Variants in DYNLRB1 observed in about 807,000 individuals in gnomAD.
DYNLRB1 encodes dynein light chain roadblock-type 1.
Under a neutral mutation model 13.5 loss-of-function variants are expected in DYNLRB1, and 6 were observed. The observed-to-expected ratio is 0.44, with a 90% confidence interval of 0.24 to 0.88. The LOEUF is 0.88. Ranked by LOEUF, DYNLRB1 falls within the 40% of genes least tolerant of loss-of-function variation. DYNLRB1 has a pLI of 0.21. For missense variants in DYNLRB1, 93 were observed against 127.2 expected (o/e 0.73, Z 1.29); for synonymous variants, 43 against 45.0 (o/e 0.96, Z 0.18).
At chr20:34,528,345 C>A (rs1363843633) in intron 2 of DYNLRB1, among the ~76,000 whole-genome samples, 49 of 91,960 alleles carry the variant, frequency 5.3e-4, no homozygotes, top group African/African-American at 1.1e-3. Flanking sequence ...AAAAAAAAAA[C>A]TACCCTACTG....
chr20:34,516,252 T>C (rs1050404171), upstream of DYNLRB1, among the ~76,000 whole-genome samples: 1 of 152,278 alleles, frequency 6.6e-6, no homozygotes, highest in Non-Finnish European at 1.5e-5. Flanking sequence ...CTTAGCGCAC[T>C]GCTCCTTAGC....
chr20:34,537,893 T>A (rs1981277288), intron 3 of DYNLRB1, among the ~76,000 whole-genome samples: 1 of 151,882 alleles, frequency 6.6e-6, no homozygotes, highest in South Asian at 2.1e-4. Context: ...CTTCCCAGGC[T>A]GCAGACAGCA....
intron 2 of DYNLRB1, among the ~76,000 whole-genome samples, chr20:34,528,198 G>C (rs1335469179): frequency 1.1e-5 from 1 of 89,350 alleles, no homozygotes; most frequent in Non-Finnish European, 2.4e-5. Context: ...TGTAGTCCCA[G>C]CTACTTGGGA....
chr20:34,534,792 C>T lies in DYNLRB1; in HGVS notation c.244C>T (p.Pro82Ser), dbSNP rs771254439. The T allele has an allele frequency of 6.2e-7, 1 of 1,614,022 alleles. No homozygotes were observed. The highest frequency in any genetic ancestry group is 1.1e-5 in the South Asian group (1 of 91,076). The change falls in exon 3 of 4, where the codon CCA becomes TCA. Residue 82 changes from proline (P) to serine (S), a missense_variant. By Grantham distance (74) the Pro-to-Ser change is moderately conservative (BLOSUM62 -1). Coordinates refer to ENST00000357156, the MANE Select transcript of DYNLRB1 (RefSeq NM_014183.4). ...RSKKNEIMVA[P>S]DKDYFLIVIQ... ...CAAGAAAAATGAAATTATGGTTGCA[C>T]CAGGTAAGGGGTCTTCTACCTCCCC...
chr20:34,540,423 C>T (rs1038754147), intron 3 of DYNLRB1, among the ~76,000 whole-genome samples, 158 bp from the exon 4 acceptor site: 1 of 152,188 alleles, frequency 6.6e-6, no homozygotes, highest in Non-Finnish European at 1.5e-5. Flanking sequence ...GTTTATCTTC[C>T]GTTTTCCCAG....
At chr20:34,515,647 T>C (rs1979109482), upstream of DYNLRB1, among the ~76,000 whole-genome samples, 1 of 149,912 alleles carries the variant, frequency 6.7e-6, no homozygotes, top group African/African-American at 2.5e-5. Context: ...AGACTCGAGG[T>C]ACCTGACTCC....
At chr20:34,516,518 T>G in intron 1 of DYNLRB1, 57 bp downstream of exon 1, 1 of 1,606,194 alleles carries the variant, frequency 6.2e-7, no homozygotes, top group Middle Eastern at 1.7e-4. Flanking sequence ...ACGCCAGGCC[T>G]TCAGTCTTCC....
chr20:34,522,226 G>C (rs927444347), intron 1 of DYNLRB1, among the ~76,000 whole-genome samples: 1 of 152,054 alleles, frequency 6.6e-6, no homozygotes, highest in Non-Finnish European at 1.5e-5. Flanking sequence ...CAGCTCTTCT[G>C]TTGACCTGCA....
At chr20:34,530,184 A>C in intron 2 of DYNLRB1, 1 of 1,160,196 alleles carries the variant, frequency 8.6e-7, no homozygotes, top group East Asian at 4.0e-5. Flanking sequence ...ACTGCCCCTA[A>C]AGCCAAGCCT....
At chr20:34,535,796 T>C in intron 3 of DYNLRB1, 1 of 985,216 alleles carries the variant, frequency 1.0e-6, no homozygotes, top group South Asian at 4.7e-5. Flanking sequence ...CTCAGTTGCA[T>C]GGACTTGATC....
At chr20:34,517,986 TA>T (rs1305433786) in intron 1 of DYNLRB1, among the ~76,000 whole-genome samples, 2 of 152,226 alleles carry the variant, frequency 1.3e-5, no homozygotes, top group Non-Finnish European at 2.9e-5. Context: ...TTCCATAATT[TA>T]GCTATTATGA....
chr20:34,540,658 T>C lies in DYNLRB1; in HGVS notation c.*34T>C, dbSNP rs1405117146. ...CTTGGCTCCCTGTGTCATTCCTTAA[T>C]TTAATGCCCCCCAAGAATGTTAATG... On this transcript the variant is annotated 3_prime_UTR_variant, in exon 4 of 4. Transcript: ENST00000357156. 3.7e-6 allele frequency: 6 copies of C among 1,605,120 alleles called. No homozygotes were observed. The highest frequency in any genetic ancestry group is 4.3e-6 in the Non-Finnish European group (5 of 1,172,966).
At chr20:34,531,771 G>A (rs1448980254) in intron 2 of DYNLRB1, among the ~76,000 whole-genome samples, 2 of 152,210 alleles carry the variant, frequency 1.3e-5, no homozygotes, top group Admixed American at 1.3e-4. Flanking sequence ...TAATGGTGCA[G>A]TGTCAACCTG....
chr20:34,537,209 A>ACTGT (rs1398874965), intron 3 of DYNLRB1, among the ~76,000 whole-genome samples: 2 of 152,142 alleles, frequency 1.3e-5, no homozygotes, highest in African/African-American at 4.8e-5. Flanking sequence ...CTCAAGTCAC[A>ACTGT]CTGTCTCTCT....
At chr20:34,534,877 G>A in intron 3 of DYNLRB1, 82 bp downstream of exon 3, 2 of 1,603,228 alleles carry the variant, frequency 1.2e-6, no homozygotes, top group South Asian at 1.1e-5. Context: ...TGGCACAGTG[G>A]TGTCTCCAGA....
At chr20:34,523,051 C>CTAAA (rs1979887446) in intron 1 of DYNLRB1, among the ~76,000 whole-genome samples, 1 of 152,110 alleles carries the variant, frequency 6.6e-6, no homozygotes, top group South Asian at 2.1e-4. Context: ...TGAACGTGAC[C>CTAAA]TAAACAGTTG....
chr20:34,520,263 G>T (rs1249212390), intron 1 of DYNLRB1, among the ~76,000 whole-genome samples: 1 of 152,058 alleles, frequency 6.6e-6, no homozygotes, highest in African/African-American at 2.4e-5. Context: ...CCAAGATAAT[G>T]CATGCTGAGT....
Position 34,523,094 on chromosome 20 carries a change from G to A in DYNLRB1, c.4-3174G>A, listed in dbSNP as rs542771308. On this transcript the variant is annotated intron_variant, in intron 1 of 3. Coordinates refer to ENST00000357156, the MANE Select transcript of DYNLRB1 (RefSeq NM_014183.4). ...TTGTGGTCAGTGCTGCGAAGGCTGG[G>A]GGCCTCGGTGCCCAGTAGAGGGGCT... 1.3e-4 allele frequency among the ~76,000 whole-genome samples: 20 copies of A among 152,246 alleles called. No individual in the cohort carries two copies. The East Asian group carries it at 2.9e-3, about 22-fold the overall frequency.
At chr20:34,524,391 A>C (rs994371878) in intron 1 of DYNLRB1, among the ~76,000 whole-genome samples, 5 of 152,214 alleles carry the variant, frequency 3.3e-5, no homozygotes, top group African/African-American at 9.6e-5. Flanking sequence ...TCCATAATCT[A>C]CTTGGCCTTT....
Sources: allele counts gnomAD v4.1 joint callset (sites outside exome capture counted in the v4.1 genomes callset), GRCh38; gene constraint gnomAD v4.1.1; transcripts MANE v1.5; gene names NCBI Gene and HGNC (gene_info 2026-07-23, HGNC 2026-07-21).